The following NUBPL variants were observed in gnomAD, a reference collection of about 807,000 sequenced individuals.
NUBPL encodes the protein NUBP iron-sulfur cluster assembly factor, mitochondrial, also known as iron-sulfur cluster transfer protein NUBPL.
A neutral mutation model predicts 45.7 loss-of-function variants in NUBPL; 31 were observed. The observed-to-expected ratio is 0.68, with a 90% CI of 0.51 to 0.92. NUBPL has a LOEUF of 0.92. Among genes scored for constraint, NUBPL ranks in the 40% least tolerant of loss-of-function variants. NUBPL has a pLI of 0.00. For synonymous variants in NUBPL, 144 were observed against 140.9 expected, an observed-to-expected ratio of 1.02 and a Z score of -0.15; for missense variants, 401 against 398.7, an observed-to-expected ratio of 1.01 and a Z score of -0.05.
chr14:31,767,687 GT>G (rs1175044993), intron 6 of NUBPL, among the ~76,000 whole-genome samples: 1 of 148,828 alleles, frequency 6.7e-6, no homozygotes, highest in East Asian at 1.9e-4. Flanking sequence ...GGGTGGATGT[GT>G]TTTTTTATTT....
intron 3 of NUBPL, among the ~76,000 whole-genome samples, chr14:31,591,069 A>G (rs1035937764): frequency 6.6e-6 from 1 of 152,164 alleles, no homozygotes; most frequent in Non-Finnish European, 1.5e-5. Flanking sequence ...CAGCTTTTTT[A>G]TATTTGAAAC....
chr14:31,804,630 G>A (rs557184248), intron 7 of NUBPL, among the ~76,000 whole-genome samples: 38 of 152,186 alleles, frequency 2.5e-4, no homozygotes, highest in African/African-American at 7.7e-4. Context: ...AAGTAAGGCC[G>A]CACATCTATG....
intron 7 of NUBPL, among the ~76,000 whole-genome samples, chr14:31,793,833 T>TTTTA (rs1555338726): frequency 3.1e-5 from 4 of 130,148 alleles, no homozygotes; most frequent in South Asian, 4.3e-4. Flanking sequence ...TCTTTCTTTT[T>TTTTA]TTTTTTTATT....
intron 4 of NUBPL, among the ~76,000 whole-genome samples, chr14:31,642,239 C>T (rs144522954): frequency 1.3e-5 from 2 of 152,106 alleles, no homozygotes; most frequent in African/African-American, 2.4e-5. Context: ...TGAGTTCTTA[C>T]ATTTAAAGAT....
At chr14:31,821,692 C>T (rs1159001126) in intron 7 of NUBPL, among the ~76,000 whole-genome samples, 1 of 152,060 alleles carries the variant, frequency 6.6e-6, no homozygotes, top group Non-Finnish European at 1.5e-5. Flanking sequence ...GGGTATACAC[C>T]CAAAAGAAAG....
In NUBPL at chr14:31,816,767, C is replaced by G. The variant is rs558181279; in HGVS notation, c.608-9862C>G. Among the ~76,000 whole-genome samples, 13 of 152,206 alleles carry G rather than the reference C, an allele frequency of 8.5e-5. No individual in the cohort carries two copies. The South Asian group carries it at 2.7e-3, about 32-fold the overall frequency. ...TTGGTTTTAAAGAACTTCTTTATTT[C>G]TGCCTTAATTTCATTACTTACCCAG... is the stretch of plus-strand genomic sequence containing the variant. On this transcript the variant is annotated intron_variant, in intron 7 of 10. Transcript: ENST00000281081.
chr14:31,630,821 G>A (rs1381518409), intron 4 of NUBPL, among the ~76,000 whole-genome samples: 6 of 152,114 alleles, frequency 3.9e-5, no homozygotes, highest in Non-Finnish European at 8.8e-5. Flanking sequence ...GTTCTCAGCT[G>A]TGTGCAATCT....
Position 31,860,045 on chromosome 14 carries a change from C to T in NUBPL, c.*865C>T, listed in dbSNP as rs765110647. The T allele has an allele frequency of 3.9e-5, 6 of 152,082 alleles. No homozygotes were observed. The highest frequency in any genetic ancestry group is 7.3e-5 in the Non-Finnish European group (5 of 68,044). 9.4% of individuals were successfully genotyped at this position (152,082 alleles called of 1,614,324 possible). On this transcript the variant is annotated 3_prime_UTR_variant, in exon 11 of 11. Coordinates refer to ENST00000281081, the MANE Select transcript of NUBPL (RefSeq NM_025152.3). Reference sequence around the variant, plus strand: ...GGTGGCTAGGCGTGGTGGCTCACGCCTGTAATCCCAGCACTTTGGGAGGTT... The same window carrying T: ...GGTGGCTAGGCGTGGTGGCTCACGCTTGTAATCCCAGCACTTTGGGAGGTT...
intron 7 of NUBPL, among the ~76,000 whole-genome samples, chr14:31,821,487 A>T (rs1336633739): frequency 1.3e-5 from 2 of 152,206 alleles, no homozygotes; most frequent in Non-Finnish European, 2.9e-5. Context: ...CTACAAAGAG[A>T]TATCATCTCA....
chr14:31,760,174 A>AGAGAGAGAGAGAGAGAGAGAGG (rs2038774500), intron 6 of NUBPL, among the ~76,000 whole-genome samples: 1 of 146,916 alleles, frequency 6.8e-6, no homozygotes, highest in East Asian at 2.0e-4. Flanking sequence ...AGAGAGAGAG[A>AGAGAGAGAGAGAGAGAGAGAGG]GAGAGAGACA....
chr14:31,757,841 T>A (rs1296456379), intron 6 of NUBPL, among the ~76,000 whole-genome samples: 2 of 152,118 alleles, frequency 1.3e-5, no homozygotes, highest in Admixed American at 6.6e-5. Context: ...TAGTCTGACC[T>A]CTACTTACCT....
At chr14:31,732,480 AGTTCTTTATATTCT>A (rs1474136286) in intron 6 of NUBPL, among the ~76,000 whole-genome samples, 1 of 151,908 alleles carries the variant, frequency 6.6e-6, no homozygotes, top group Non-Finnish European at 1.5e-5. Flanking sequence ...GATTTGTGGG[AGTTCTTTATATTCT>A]GTGTATGAGA....
chr14:31,804,776 A>G (rs1469413667), intron 7 of NUBPL, among the ~76,000 whole-genome samples: 3 of 152,182 alleles, frequency 2.0e-5, no homozygotes, highest in African/African-American at 7.2e-5. Flanking sequence ...ACCATATACA[A>G]AAATCAACTC....
At chr14:31,763,332 C>T (rs994570194) in intron 6 of NUBPL, among the ~76,000 whole-genome samples, 11 of 152,108 alleles carry the variant, frequency 7.2e-5, no homozygotes, top group Non-Finnish European at 1.3e-4. Flanking sequence ...TAAAACTTGT[C>T]CTTTGTCCTT....
chr14:31,715,462 C>T (rs937169367), intron 6 of NUBPL, among the ~76,000 whole-genome samples: 1 of 152,160 alleles, frequency 6.6e-6, no homozygotes, highest in Admixed American at 6.5e-5. Flanking sequence ...ATAGTATAGC[C>T]TACCACACAC....
At chr14:31,596,398 C>T (rs1003914572) in intron 3 of NUBPL, among the ~76,000 whole-genome samples, 1 of 152,172 alleles carries the variant, frequency 6.6e-6, no homozygotes, top group South Asian at 2.1e-4. Flanking sequence ...AACAAAATTA[C>T]ATTGTTGAAT....
chr14:31,588,204 G>A (rs1238115642), intron 3 of NUBPL, among the ~76,000 whole-genome samples: 1 of 152,062 alleles, frequency 6.6e-6, no homozygotes, highest in East Asian at 1.9e-4. Context: ...TGTGTGCCTT[G>A]GTTTCTTCAT....
At chr14:31,831,401 C>G (rs905953013) in intron 8 of NUBPL, among the ~76,000 whole-genome samples, 20 of 151,864 alleles carry the variant, frequency 1.3e-4, no homozygotes, top group Admixed American at 3.9e-4. Flanking sequence ...TCTATTACTC[C>G]TTTTCTAACT....
intron 6 of NUBPL, among the ~76,000 whole-genome samples, chr14:31,677,689 T>G (rs2036732818): frequency 6.6e-6 from 1 of 152,196 alleles, no homozygotes; most frequent in African/African-American, 2.4e-5. Flanking sequence ...CTGAGCTACC[T>G]AAAGCTGGGG....
Sources: allele counts gnomAD v4.1 joint callset (sites outside exome capture counted in the v4.1 genomes callset), GRCh38; gene constraint gnomAD v4.1.1; transcripts MANE v1.5; gene names NCBI Gene and HGNC (gene_info 2026-07-23, HGNC 2026-07-21).